The following CELF2 variants were observed in gnomAD, a reference collection of about 807,000 sequenced individuals.
CELF2 encodes CUGBP Elav-like family member 2.
A neutral mutation model predicts 62.6 loss-of-function variants in CELF2; 8 were observed. The ratio of observed to expected loss-of-function variants is 0.13; its 90% confidence interval spans 0.07 to 0.23. The LOEUF is 0.23. CELF2 is among the 10% of genes least tolerant of loss of function. CELF2 has a pLI of 1.00. For missense variants in CELF2, 333 were observed against 671.0 expected (o/e 0.50, Z 5.56); for synonymous variants, 258 against 250.0 (o/e 1.03, Z -0.30).
At chr10:10,592,711 ATTCAT>A in the CELF2 span, among the ~76,000 whole-genome samples, 1 of 152,164 alleles carries the variant, frequency 6.6e-6, no homozygotes, top group Admixed American at 6.6e-5. Context: ...GATTTCATTC[ATTCAT>A]TTCCTCAGTC....
intron 1 of CELF2, among the ~76,000 whole-genome samples, chr10:10,916,033 C>A (rs1326847086): frequency 6.6e-6 from 1 of 152,196 alleles, no homozygotes; most frequent in African/African-American, 2.4e-5. Flanking sequence ...ATGTCACCTG[C>A]TTTAAATCAC....
chr10:10,560,868 G>A, the CELF2 span, among the ~76,000 whole-genome samples: 2 of 152,136 alleles, frequency 1.3e-5, no homozygotes, highest in Admixed American at 1.3e-4. Context: ...CATTTTCAGT[G>A]ACCTGGATGA....
intron 1 of CELF2, among the ~76,000 whole-genome samples, chr10:10,838,435 C>T (rs1323507550): frequency 1.3e-5 from 2 of 152,160 alleles, no homozygotes; most frequent in South Asian, 2.1e-4. Flanking sequence ...AACGTGCAGC[C>T]CACACTTAAG....
chr10:10,616,904 G>T, the CELF2 span, among the ~76,000 whole-genome samples: 1 of 151,846 alleles, frequency 6.6e-6, no homozygotes. Context: ...CCACAGGCAT[G>T]CACCATTACG....
intron 1 of CELF2, among the ~76,000 whole-genome samples, chr10:10,902,897 AAGGG>A (rs1229052682): frequency 7.9e-6 from 1 of 126,606 alleles, no homozygotes; most frequent in African/African-American, 3.0e-5. Flanking sequence ...GAGAGGGAAG[AAGGG>A]AGGGAGGGAG....
the CELF2 span, among the ~76,000 whole-genome samples, chr10:10,466,301 T>C: frequency 1.3e-5 from 2 of 152,304 alleles, no homozygotes; most frequent in Middle Eastern, 3.4e-3. Flanking sequence ...GTCATATAAA[T>C]GGAATTATGC....
At chr10:10,724,720 G>C in the CELF2 span, among the ~76,000 whole-genome samples, 1 of 151,662 alleles carries the variant, frequency 6.6e-6, no homozygotes, top group Non-Finnish European at 1.5e-5. Context: ...TGTGGGTGTG[G>C]TCAGTTACAC....
chr10:10,507,983 T>TA, the CELF2 span, among the ~76,000 whole-genome samples: 1 of 152,318 alleles, frequency 6.6e-6, no homozygotes, highest in Non-Finnish European at 1.5e-5. Context: ...GTAGATAAAC[T>TA]AGCTTTCTAT....
chr10:10,997,780 C>A lies in CELF2; in HGVS notation c.89+77781C>A, dbSNP rs933581745. ...CTCCCTCACGGGCCCCGTAGTCGCTCACTTGTAGGGTGGTCTTCCCACTGC... is the reference window on the plus strand; with the variant it reads ...CTCCCTCACGGGCCCCGTAGTCGCTAACTTGTAGGGTGGTCTTCCCACTGC... On this transcript the variant is annotated intron_variant, in intron 2 of 13. Transcript: ENST00000636488. The surrounding 1 kb of genome is among the most constrained non-coding windows in gnomAD (Gnocchi z 5.3). Among the ~76,000 whole-genome samples the A allele has an allele frequency of 1.3e-5, 2 of 152,204 alleles. No homozygotes were observed. The highest frequency in any genetic ancestry group is 2.9e-5 in the Non-Finnish European group (2 of 68,030).
chr10:11,212,060 C>T (rs1440311463), intron 2 of CELF2, among the ~76,000 whole-genome samples: 1 of 152,196 alleles, frequency 6.6e-6, no homozygotes, highest in Non-Finnish European at 1.5e-5. Context: ...TGCCACTCTC[C>T]ACTTCTGATC....
chr10:10,992,604 G>A (rs1315473671), intron 2 of CELF2, among the ~76,000 whole-genome samples: 1 of 152,182 alleles, frequency 6.6e-6, no homozygotes, highest in African/African-American at 2.4e-5. Context: ...TATATTCAAG[G>A]TTTGGATGAA....
intron 2 of CELF2, among the ~76,000 whole-genome samples, chr10:10,939,902 C>T (rs920724759): frequency 3.3e-5 from 5 of 151,990 alleles, no homozygotes; most frequent in South Asian, 2.1e-4. Context: ...TGCAGTGAGC[C>T]GAGACCGCAC....
chr10:10,486,062 G>A, the CELF2 span, among the ~76,000 whole-genome samples: 13 of 152,064 alleles, frequency 8.5e-5, no homozygotes, highest in Admixed American at 7.9e-4. Flanking sequence ...TAGAATAATG[G>A]CATTCAGATA....
intron 2 of CELF2, among the ~76,000 whole-genome samples, chr10:10,991,482 G>A (rs1247607793): frequency 6.6e-6 from 1 of 152,104 alleles, no homozygotes; most frequent in Non-Finnish European, 1.5e-5. Flanking sequence ...TTCAGATGTG[G>A]TGTCACACCT....
At chr10:10,480,814 C>T in the CELF2 span, among the ~76,000 whole-genome samples, 1 of 152,200 alleles carries the variant, frequency 6.6e-6, no homozygotes, top group Non-Finnish European at 1.5e-5. Flanking sequence ...CATGTGGGGA[C>T]TGTTTTCTAA....
chr10:11,256,577 T>C (rs1401021600), intron 4 of CELF2, among the ~76,000 whole-genome samples: 3 of 150,986 alleles, frequency 2.0e-5, no homozygotes, highest in Non-Finnish European at 3.0e-5. Flanking sequence ...TAGCTTCTTT[T>C]TTTTTTTTTT....
chr10:10,587,759 T>C, the CELF2 span, among the ~76,000 whole-genome samples: 5 of 152,176 alleles, frequency 3.3e-5, no homozygotes, highest in African/African-American at 1.2e-4. Flanking sequence ...TTGCTCTTTG[T>C]TTGAATTCCC....
chr10:10,624,956 C>T, the CELF2 span, among the ~76,000 whole-genome samples: 10 of 152,328 alleles, frequency 6.6e-5, 1 homozygote, highest in East Asian at 1.3e-3. Context: ...CACGAAGCTG[C>T]GCGGCTCACA....
the CELF2 span, among the ~76,000 whole-genome samples, chr10:10,667,180 C>T: frequency 2.0e-5 from 3 of 152,136 alleles, no homozygotes; most frequent in Admixed American, 6.5e-5. Context: ...GGTCTCCTGG[C>T]GTTGTGTCTA....
Sources: allele counts gnomAD v4.1 joint callset (sites outside exome capture counted in the v4.1 genomes callset), GRCh38; gene constraint gnomAD v4.1.1; non-coding constraint Gnocchi (gnomAD v3.1); transcripts MANE v1.5; gene names NCBI Gene and HGNC (gene_info 2026-07-23, HGNC 2026-07-21).